Variants in UBE2E2 observed in about 807,000 individuals in gnomAD.
UBE2E2 encodes ubiquitin conjugating enzyme E2 E2.
UBE2E2 carries 6 observed loss-of-function variants against 24.7 expected under a neutral mutation model. The observed-to-expected ratio is 0.24, with a 90% CI of 0.13 to 0.48. The LOEUF (loss-of-function observed/expected upper bound fraction) is 0.48, where lower values mean the gene tolerates loss of function less well. Ranked by LOEUF, UBE2E2 falls within the 20% of genes least tolerant of loss-of-function variation. The pLI is 0.99. For synonymous variants in UBE2E2, 104 were observed against 83.6 expected (o/e 1.24, Z -1.33); for missense variants, 169 against 245.0 (o/e 0.69, Z 2.07).
chr3:23,453,276 A>G (rs536848996), intron 3 of UBE2E2, among the ~76,000 whole-genome samples: 3 of 152,184 alleles, frequency 2.0e-5, no homozygotes, highest in Non-Finnish European at 2.9e-5. Context: ...TTTTGTTAAA[A>G]TGAGCAACTA....
At chr3:23,406,235 T>C (rs2125376253) in intron 3 of UBE2E2, among the ~76,000 whole-genome samples, 1 of 152,346 alleles carries the variant, frequency 6.6e-6, no homozygotes, top group East Asian at 1.9e-4. Context: ...TGTTTCTTTC[T>C]CTTGCTGCCT....
chr3:23,565,975 T>A (rs1251311606), intron 5 of UBE2E2, among the ~76,000 whole-genome samples: 1 of 152,202 alleles, frequency 6.6e-6, no homozygotes. Flanking sequence ...ATTCATTTGT[T>A]GCTTTTGAAC....
At position 23,239,755 on chromosome 3, in the gene UBE2E2, A is replaced by G. The variant is rs73823404; in HGVS notation, c.227+22443A>G. On this transcript the variant is annotated intron_variant, in intron 3 of 5. Transcript: ENST00000396703. The stretch of plus-strand genomic sequence containing the variant: ...CACTGTGCTAAGTCTGTTGGGTGAT[A>G]GAGCAGAAGAGGTTCTAAAAGATAT... 5.0e-3 allele frequency among the ~76,000 whole-genome samples: 767 copies of G among 152,302 alleles called. 7 individuals carry two copies. The highest frequency in any genetic ancestry group is 0.017 in the African/African-American group (715 of 41,564).
Position 23,332,674 on chromosome 3 carries a change from GGTGTGTGTGTGTGT to G in UBE2E2, c.227+115394_227+115407del, listed in dbSNP as rs3086989. Among the ~76,000 whole-genome samples, 196 of 108,130 alleles carry G rather than the reference GGTGTGTGTGTGTGT, an allele frequency of 1.8e-3. 2 individuals are homozygous for G. The highest frequency in any genetic ancestry group is 2.8e-3 in the Non-Finnish European group (140 of 50,088). 70.9% of individuals were successfully genotyped at this position (108,130 alleles called of 152,430 possible). A position where few individuals can be genotyped will look rare whatever the true frequency, so the allele number is the denominator to read the frequency against. Reference sequence around the variant, plus strand: ...CTTTGAGCTTCCTGGCAGCCAGTGGGGTGTGTGTGTGTGTGTGTGTGTGTGTGTGTGTGTGTGTG... The same window carrying G: ...CTTTGAGCTTCCTGGCAGCCAGTGGGGTGTGTGTGTGTGTGTGTGTGTGTG... On this transcript the variant is annotated intron_variant, in intron 3 of 5. Transcript: ENST00000396703.
At chr3:23,580,605 T>C (rs1279891516) in intron 5 of UBE2E2, among the ~76,000 whole-genome samples, 11 of 152,218 alleles carry the variant, frequency 7.2e-5, no homozygotes, top group Admixed American at 7.2e-4. Context: ...TAATCAGACC[T>C]GTAACATTTC....
At chr3:23,214,956 T>G (rs146593123) in intron 2 of UBE2E2, among the ~76,000 whole-genome samples, 1 of 152,164 alleles carries the variant, frequency 6.6e-6, no homozygotes, top group Non-Finnish European at 1.5e-5. Flanking sequence ...TTAATTGAAG[T>G]AATATCTTTT....
intron 3 of UBE2E2, among the ~76,000 whole-genome samples, chr3:23,479,722 T>C (rs1487853247): frequency 1.3e-5 from 2 of 152,152 alleles, no homozygotes; most frequent in Non-Finnish European, 2.9e-5. Flanking sequence ...AATGTGTAGC[T>C]CCTTTTTGCA....
chr3:23,437,073 C>T (rs575129043), intron 3 of UBE2E2, among the ~76,000 whole-genome samples: 3 of 152,320 alleles, frequency 2.0e-5, no homozygotes, highest in African/African-American at 4.8e-5. Flanking sequence ...GTGAGCTGGC[C>T]CCTGCCTGCT....
chr3:23,559,173 A>T (rs68093882), intron 5 of UBE2E2, among the ~76,000 whole-genome samples: 1 of 152,050 alleles, frequency 6.6e-6, no homozygotes, highest in African/African-American at 2.4e-5. Context: ...GGTTATCCCT[A>T]GAGAAATAAT....
In UBE2E2 at chr3:23,408,228, A is replaced by G. The variant is rs141127620; in HGVS notation, c.228-91380A>G. On this transcript the variant is annotated intron_variant, in intron 3 of 5. Coordinates refer to ENST00000396703, the MANE Select transcript of UBE2E2 (RefSeq NM_152653.4). ...TAGAGTTAGGTATATTTATGGCCTC[A>G]AGATAAAGTTGTTAGTCTCTTACAG... Among the ~76,000 whole-genome samples the G allele has an allele frequency of 2.2e-3, 342 of 152,328 alleles. 3 individuals are homozygous for G. The highest frequency in any genetic ancestry group is 7.8e-3 in the African/African-American group (326 of 41,590).
At chr3:23,353,436 A>C (rs1377108637) in intron 3 of UBE2E2, among the ~76,000 whole-genome samples, 1 of 152,188 alleles carries the variant, frequency 6.6e-6, no homozygotes, top group Non-Finnish European at 1.5e-5. Flanking sequence ...GGAAAAGAGG[A>C]AGTCAAATTG....
At chr3:23,229,456 C>G (rs1054148189) in intron 3 of UBE2E2, among the ~76,000 whole-genome samples, 1 of 152,112 alleles carries the variant, frequency 6.6e-6, no homozygotes, top group Non-Finnish European at 1.5e-5. Flanking sequence ...CCACCCTTTC[C>G]CCCTGAGTCC....
chr3:23,506,923 C>T (rs1694473397), intron 4 of UBE2E2, among the ~76,000 whole-genome samples: 1 of 152,162 alleles, frequency 6.6e-6, no homozygotes, highest in East Asian at 1.9e-4. Context: ...CATGAGCCAC[C>T]ACACCCAGCC....
At chr3:23,492,614 TA>T (rs1699522321) in intron 3 of UBE2E2, among the ~76,000 whole-genome samples, 1 of 152,214 alleles carries the variant, frequency 6.6e-6, no homozygotes, top group Non-Finnish European at 1.5e-5. Flanking sequence ...CCATGAATAC[TA>T]ATTTTAAAAA....
intron 3 of UBE2E2, among the ~76,000 whole-genome samples, chr3:23,352,464 C>T (rs904930487): frequency 7.9e-5 from 12 of 151,846 alleles, no homozygotes; most frequent in Non-Finnish European, 1.5e-4. Flanking sequence ...TTGAAAGGAT[C>T]AACAAAATTG....
chr3:23,259,431 A>G (rs1304175767), intron 3 of UBE2E2, among the ~76,000 whole-genome samples: 2 of 152,084 alleles, frequency 1.3e-5, no homozygotes, highest in African/African-American at 2.4e-5. Flanking sequence ...TCTTATTTTT[A>G]AAAAAGTATT....
In UBE2E2 at chr3:23,552,285, C is replaced by T. The variant is rs145711282; in HGVS notation, c.508+19584C>T. Among the ~76,000 whole-genome samples, 3 of 152,210 alleles carry T rather than the reference C, an allele frequency of 2.0e-5. No individual in the cohort carries two copies. In the East Asian group the frequency reaches 5.8e-4, roughly 29 times the overall value. On this transcript the variant is annotated intron_variant, in intron 5 of 5. Transcript: ENST00000396703. ...GAAAGATCACTGGAGCCCAGGGGTT[C>T]GAGGTTGCACTGGGCCAAGATCAGG...
intron 5 of UBE2E2, among the ~76,000 whole-genome samples, chr3:23,584,983 GGTGA>G (rs1286967235): frequency 6.6e-6 from 1 of 152,078 alleles, no homozygotes; most frequent in Non-Finnish European, 1.5e-5. Context: ...AGGAAGTAGA[GGTGA>G]GTAAGAAGAA....
At chr3:23,570,721 A>G (rs1035548650) in intron 5 of UBE2E2, among the ~76,000 whole-genome samples, 1 of 152,184 alleles carries the variant, frequency 6.6e-6, no homozygotes, top group Non-Finnish European at 1.5e-5. Flanking sequence ...TGATATTTTC[A>G]TTTAAGAAAT....
Sources: gnomAD v4.1 joint callset for allele counts (sites outside exome capture counted in the v4.1 genomes callset) on GRCh38, gnomAD v4.1.1 for gene constraint, MANE v1.5 for transcripts, NCBI Gene and HGNC (gene_info 2026-07-23, HGNC 2026-07-21) for gene names.